Variants in CCNY observed in about 807,000 individuals in gnomAD.
The protein encoded by CCNY is cyclin Y, also known as cyclin-Y.
A neutral mutation model predicts 42.8 loss-of-function variants in CCNY; 19 were observed. The ratio of observed to expected loss-of-function variants is 0.44; its 90% CI spans 0.31 to 0.65. The LOEUF (loss-of-function observed/expected upper bound fraction) is 0.65. CCNY is among the 30% of genes least tolerant of loss of function. The pLI, the probability that CCNY is intolerant of heterozygous loss-of-function variation, is 0.07. For missense variants in CCNY, 370 were observed against 437.3 expected (o/e 0.85, Z 1.37); for synonymous variants, 165 against 162.7 (o/e 1.01, Z -0.11).
intron 3 of CCNY, among the ~76,000 whole-genome samples, chr10:35,290,259 CACACAA>C (rs1365520058): frequency 5.5e-4 from 83 of 150,604 alleles, no homozygotes; most frequent in African/African-American, 1.7e-3. Context: ...CACACACACA[CACACAA>C]AATTAGCTGG....
chr10:35,477,528 G>A (rs1839543359), intron 1 of CCNY, among the ~76,000 whole-genome samples: 1 of 151,636 alleles, frequency 6.6e-6, no homozygotes, highest in South Asian at 2.1e-4. Flanking sequence ...CAGAGCCAAA[G>A]ACAAAAACCA....
chr10:35,320,828 A>G (rs1835812694), intron 3 of CCNY: 1 of 152,154 alleles, frequency 6.6e-6, no homozygotes, highest in South Asian at 2.1e-4. Context: ...TTTAAATAAA[A>G]TATTTACTAT....
At chr10:35,269,445 T>A (rs1392882268) in intron 3 of CCNY, among the ~76,000 whole-genome samples, 2 of 151,310 alleles carry the variant, frequency 1.3e-5, no homozygotes, top group Non-Finnish European at 2.9e-5. Flanking sequence ...CCCTTCCTAG[T>A]AGCCGGGGTT....
chr10:35,352,151 C>T (rs1589053159), intron 1 of CCNY, among the ~76,000 whole-genome samples: 2 of 152,110 alleles, frequency 1.3e-5, no homozygotes, highest in African/African-American at 4.8e-5. Context: ...GATTGCAAAG[C>T]TGTATTTAAA....
rs767094283 is a variant in CCNY at position 35,552,999 on chromosome 10, G to T, written c.580-20G>T. 5.0e-6 allele frequency: 8 copies of T among 1,609,214 alleles called. No homozygotes were observed. Among genetic ancestry groups the T allele is most frequent in the Non-Finnish European group, 6.8e-6 (8 of 1,175,978 alleles). On this transcript the variant is annotated intron_variant, in intron 7 of 9. Transcript: ENST00000374704. ...GGAGAAAACAAATCACTTAGCTCTG[G>T]CATTGTCTTGTCTTCCCAGGTGTAC...
At chr10:35,451,015 A>G (rs144330784) in intron 1 of CCNY, among the ~76,000 whole-genome samples, 1 of 152,308 alleles carries the variant, frequency 6.6e-6, no homozygotes, top group East Asian at 1.9e-4. Flanking sequence ...CATGATCTCA[A>G]ATTTCTTTGG....
chr10:35,516,507 T>C lies in CCNY; in HGVS notation c.265-16T>C. On this transcript the variant is annotated splice_polypyrimidine_tract_variant and intron_variant, in intron 3 of 9. Transcript: ENST00000374704. Reference sequence around the variant, plus strand: ...CCCTGTGTAATTGCCTTAATCTTCTTGCTGTTGTTTTCTAGCATCCTCCAG... The same window carrying C: ...CCCTGTGTAATTGCCTTAATCTTCTCGCTGTTGTTTTCTAGCATCCTCCAG... 6.3e-7 allele frequency: 1 copy of C among 1,577,456 alleles called. No individual in the cohort carries two copies. The highest frequency in any genetic ancestry group is 8.7e-7 in the Non-Finnish European group (1 of 1,146,820).
Position 35,314,502 on chromosome 10 carries a change from T to G in CCNY, c.-9+63876T>G, listed in dbSNP as rs547731938. On this transcript the variant is annotated intron_variant, in intron 3 of 11. Transcript: ENST00000374706. ...ACGTGGGAATTGTGGGAGCTCTAATTCAAGATGAGATTTGGGTGGAACACA... is the reference window on the plus strand; with the variant it reads ...ACGTGGGAATTGTGGGAGCTCTAATGCAAGATGAGATTTGGGTGGAACACA... The G allele has an allele frequency of 2.6e-5, 4 of 152,260 alleles. No individual in the cohort carries two copies. The South Asian group carries it at 8.3e-4, about 32-fold the overall frequency. 9.4% of individuals were successfully genotyped at this position (152,260 alleles called of 1,614,324 possible).
chr10:35,534,999 A>ATATATGTGTG lies in CCNY; in HGVS notation c.579+4757_579+4758insATATGTGTGT, dbSNP rs375976167. 3.0e-5 allele frequency among the ~76,000 whole-genome samples: 4 copies of ATATATGTGTG among 133,502 alleles called. No individual in the cohort carries two copies. In the East Asian group the frequency reaches 7.0e-4, roughly 24 times the overall value. 87.6% of individuals were successfully genotyped at this position (133,502 alleles called of 152,430 possible). ...CATATATATATATAGATCTATATATATGTGTGTGTGTGTGTGTGTGTGTGT... is the reference window on the plus strand; with the variant it reads ...CATATATATATATAGATCTATATATATATATGTGTGTGTGTGTGTGTGTGTGTGTGTGTGT... On this transcript the variant is annotated intron_variant, in intron 7 of 9. Transcript: ENST00000374704.
intron 1 of CCNY, among the ~76,000 whole-genome samples, chr10:35,399,273 G>A (rs1022102641): frequency 6.7e-6 from 1 of 148,402 alleles, no homozygotes; most frequent in African/African-American, 2.5e-5. Context: ...GGCCGTGGAG[G>A]CTGTGGACTG....
chr10:35,421,519 C>T (rs1478730867), intron 1 of CCNY, among the ~76,000 whole-genome samples: 1 of 152,198 alleles, frequency 6.6e-6, no homozygotes, highest in African/African-American at 2.4e-5. Context: ...ATTTTCTCAC[C>T]TCCAATTTAA....
At chr10:35,491,754 C>T (rs1373034050) in intron 2 of CCNY, among the ~76,000 whole-genome samples, 1 of 152,096 alleles carries the variant, frequency 6.6e-6, no homozygotes, top group Non-Finnish European at 1.5e-5. Context: ...GCTGGGACTA[C>T]AGGTGCCTGC....
upstream of CCNY, among the ~76,000 whole-genome samples, chr10:35,334,724 C>T (rs372957462): frequency 1.5e-4 from 23 of 152,202 alleles, no homozygotes; most frequent in Admixed American, 9.1e-4. Flanking sequence ...GAGCATGGAG[C>T]GTTTAAAATA....
intron 1 of CCNY, among the ~76,000 whole-genome samples, chr10:35,468,137 A>G (rs1349725829): frequency 6.6e-6 from 1 of 152,216 alleles, no homozygotes; most frequent in East Asian, 1.9e-4. Context: ...CAGATTTGGT[A>G]TCTGGTGAAG....
At chr10:35,286,865 G>A (rs776603419) in intron 3 of CCNY, among the ~76,000 whole-genome samples, 3 of 151,786 alleles carry the variant, frequency 2.0e-5, no homozygotes, top group South Asian at 2.1e-4. Flanking sequence ...TTGTCATGTC[G>A]GCCAGGCTGG....
chr10:35,332,402 G>A (rs1293788382), upstream of CCNY: 2 of 152,182 alleles, frequency 1.3e-5, 1 homozygote, highest in Non-Finnish European at 2.9e-5. Flanking sequence ...TATGGCTGAT[G>A]TAAGACTGCA....
chr10:35,325,289 G>A (rs1724196183), intron 3 of CCNY, among the ~76,000 whole-genome samples: 1 of 151,738 alleles, frequency 6.6e-6, no homozygotes, highest in Non-Finnish European at 1.5e-5. Context: ...AGCAATTCTT[G>A]TGCCTCAGCC....
intron 3 of CCNY, among the ~76,000 whole-genome samples, chr10:35,504,726 A>C (rs1052850631): frequency 6.6e-6 from 1 of 151,984 alleles, no homozygotes; most frequent in South Asian, 2.1e-4. Context: ...AACCTCCCCA[A>C]CCCGGGTTCA....
chr10:35,420,606 A>C (rs1838137927), intron 1 of CCNY, among the ~76,000 whole-genome samples: 1 of 152,200 alleles, frequency 6.6e-6, no homozygotes, highest in Admixed American at 6.5e-5. Context: ...CACCTTACCC[A>C]GTTCCCAATG....
Sources: allele counts gnomAD v4.1 joint callset (sites outside exome capture counted in the v4.1 genomes callset), GRCh38; gene constraint gnomAD v4.1.1; transcripts MANE v1.5; gene names NCBI Gene and HGNC (gene_info 2026-07-23, HGNC 2026-07-21).